DMTF1: variants seen among roughly 807,000 people sequenced by gnomAD.
The protein encoded by DMTF1 is cyclin-D-binding Myb-like transcription factor 1.
A neutral mutation model predicts 91.1 loss-of-function variants in DMTF1; 39 were observed. The observed-to-expected ratio is 0.43, with a 90% CI of 0.33 to 0.56. DMTF1 has a LOEUF of 0.56. Ranked by LOEUF, DMTF1 falls within the 20% of genes least tolerant of loss-of-function variation. The probability of loss-of-function intolerance (pLI) is 0.05; values close to 1 mark genes in which losing one functional copy is unlikely to be tolerated. For synonymous variants in DMTF1, 338 were observed against 309.5 expected (o/e 1.09, Z -0.97); for missense variants, 750 against 914.5 (o/e 0.82, Z 2.32).
chr7:87,185,508 A>G (rs1365657586), intron 11 of DMTF1, among the ~76,000 whole-genome samples: 2 of 152,232 alleles, frequency 1.3e-5, no homozygotes, highest in South Asian at 2.1e-4. Flanking sequence ...AACATTGCAT[A>G]TATACAACTA....
At chr7:87,158,518 C>T (rs937589895) in intron 1 of DMTF1, among the ~76,000 whole-genome samples, 1 of 151,942 alleles carries the variant, frequency 6.6e-6, no homozygotes, top group Non-Finnish European at 1.5e-5. Context: ...ATTCTTGAGT[C>T]ATCAATGAGT....
intron 13 of DMTF1, among the ~76,000 whole-genome samples, chr7:87,190,051 T>C (rs1350513406): frequency 6.6e-6 from 1 of 152,070 alleles, no homozygotes; most frequent in Non-Finnish European, 1.5e-5. Context: ...AAGTTCCAAA[T>C]CATATTTCAC....
At position 87,171,001 on chromosome 7, in the gene DMTF1, A is replaced by G; in HGVS notation, c.239A>G (p.Glu80Gly). ...ACGGTTCCTTTTCTTGAAGTTTCAGAAAATGATCAGAGCTTTGAAGTGACC... is the reference window on the plus strand; with the variant it reads ...ACGGTTCCTTTTCTTGAAGTTTCAGGAAATGATCAGAGCTTTGAAGTGACC... ...CISVVALPLS[E>G]NDQSFEVTMT... The change falls in exon 5 of 18, where the codon GAA becomes GGA. Residue 80 changes from glutamate (E) to glycine (G), a missense_variant. Coordinates refer to ENST00000331242, the MANE Select transcript of DMTF1 (RefSeq NM_001142327.2). 6.2e-7 allele frequency: 1 copy of G among 1,608,542 alleles called. No homozygotes were observed. The highest frequency in any genetic ancestry group is 8.5e-7 in the Non-Finnish European group (1 of 1,176,050).
At chr7:87,155,292 C>G (rs1305068178) in intron 1 of DMTF1, among the ~76,000 whole-genome samples, 1 of 152,064 alleles carries the variant, frequency 6.6e-6, no homozygotes, top group Non-Finnish European at 1.5e-5. Context: ...TTTTTTATAT[C>G]TTATGTAGAG....
chr7:87,184,421 A>G lies in DMTF1; in HGVS notation c.845A>G (p.Lys282Arg). 1 of 1,613,840 alleles carries G rather than the reference A, an allele frequency of 6.2e-7. No homozygotes were observed. The highest frequency in any genetic ancestry group is 8.5e-7 in the Non-Finnish European group (1 of 1,179,860). Residue 282 changes from lysine to arginine, a missense_variant, in exon 11 of 18, where the codon AAG becomes AGG. By Grantham distance (26) the Lys-to-Arg change is conservative. Transcript: ENST00000331242. ...NTGKWTEEEE[K>R]RLAEVVHELT... is the part of the protein sequence containing the mutation. The stretch of plus-strand genomic sequence containing the variant: ...GGGAAGTGGACAGAAGAAGAAGAAA[A>G]GAGACTTGCAGAAGTGGTTCATGAG...
chr7:87,181,236 AT>A (rs1487163290), intron 8 of DMTF1, 72 bp from the exon 9 acceptor site: 6 of 723,414 alleles, frequency 8.3e-6, no homozygotes, highest in Admixed American at 2.4e-5. Context: ...CCTAAATGAA[AT>A]TCTGATTTTT....
At position 87,190,970 on chromosome 7, in the gene DMTF1, T is replaced by C; in HGVS notation, c.1437T>C (p.Val479=). ...HVSSADSPAT[V]DSETITLNSG... ...CTTCAGCAGACTCTCCTGCTACCGT[T>C]GACTCAGAAACAATAACACTAAACA... The change falls in exon 14 of 18, where the codon GTT becomes GTC. Residue 479 remains valine (V), a synonymous_variant. Coordinates refer to ENST00000331242, the MANE Select transcript of DMTF1 (RefSeq NM_001142327.2). 6.2e-7 allele frequency: 1 copy of C among 1,611,008 alleles called. No individual in the cohort carries two copies. The highest frequency in any genetic ancestry group is 8.5e-7 in the Non-Finnish European group (1 of 1,178,246).
chr7:87,181,481 A>G, intron 9 of DMTF1, 140 bp downstream of exon 9: 1 of 468,450 alleles, frequency 2.1e-6, no homozygotes. Context: ...CCTTAAAAAG[A>G]TCACATCAAA....
chr7:87,190,015 AAACTAT>A (rs1219602156), intron 13 of DMTF1, among the ~76,000 whole-genome samples: 1 of 152,102 alleles, frequency 6.6e-6, no homozygotes, highest in Non-Finnish European at 1.5e-5. Flanking sequence ...AGAATTTAAT[AAACTAT>A]AATAAACATT....
At chr7:87,191,064 C>T in intron 14 of DMTF1, 37 bp downstream of exon 14, 1 of 1,330,992 alleles carries the variant, frequency 7.5e-7, no homozygotes, top group Non-Finnish European at 1.1e-6. Context: ...CATTTTTATG[C>T]ATGAGAAAGA....
Position 87,190,939 on chromosome 7 carries a change from C to T in DMTF1, c.1412-6C>T, listed in dbSNP as rs1259250584. Reference sequence around the variant, plus strand: ...CTTACCACAGCTTACCTTATTCTTACCACAGCTTCAGCAGACTCTCCTGCT... The same window carrying T: ...CTTACCACAGCTTACCTTATTCTTATCACAGCTTCAGCAGACTCTCCTGCT... On this transcript the variant is annotated splice_region_variant and splice_polypyrimidine_tract_variant and intron_variant, in intron 13 of 17. Coordinates refer to ENST00000331242, the MANE Select transcript of DMTF1 (RefSeq NM_001142327.2). 6.2e-7 allele frequency: 1 copy of T among 1,606,004 alleles called. No homozygotes were observed. The highest frequency in any genetic ancestry group is 2.2e-5 in the East Asian group (1 of 44,670).
rs1438860663 is a variant in DMTF1, at chr7:87,155,957, T to TA, written c.-132+3403dup. Among the ~76,000 whole-genome samples the TA allele has an allele frequency of 8.6e-5, 13 of 151,714 alleles. 1 individual carries two copies. Among genetic ancestry groups the TA allele is most frequent in the East Asian group, 7.7e-4 (4 of 5,172 alleles). ...GATTCATTCACTTCCCATCAGGTGT[T>TA]ACGTATCAGAAATGCTCATTAGGTT... On this transcript the variant is annotated intron_variant, in intron 1 of 17. Coordinates refer to ENST00000331242, the MANE Select transcript of DMTF1 (RefSeq NM_001142327.2).
intron 14 of DMTF1, 65 bp from the exon 15 acceptor site, chr7:87,193,133 C>G: frequency 1.3e-6 from 2 of 1,555,844 alleles, no homozygotes; most frequent in Non-Finnish European, 1.8e-6. Context: ...AAACTAAACT[C>G]AGTCCGTTTT....
In DMTF1 at chr7:87,188,084, C is replaced by T. The variant is rs1798866930; in HGVS notation, c.1202-8C>T. 6.2e-7 allele frequency: 1 copy of T among 1,610,694 alleles called. No individual in the cohort carries two copies. The highest frequency in any genetic ancestry group is 8.5e-7 in the Non-Finnish European group (1 of 1,177,244). On this transcript the variant is annotated splice_region_variant and splice_polypyrimidine_tract_variant and intron_variant, in intron 12 of 17. Coordinates refer to ENST00000331242, the MANE Select transcript of DMTF1 (RefSeq NM_001142327.2). The stretch of plus-strand genomic sequence containing the variant: ...CAATGTTCTTTTTGTCTACCCATCT[C>T]CCTTCAGTCTTAATAAAAGGTCTTA...
chr7:87,171,121 G>C lies in DMTF1; in HGVS notation c.327+32G>C, dbSNP rs775905048. 2.1e-6 allele frequency: 3 copies of C among 1,434,114 alleles called. No homozygotes were observed. The East Asian group carries it at 6.8e-5, about 33-fold the overall frequency. The allele number at this position is 1,434,114 out of a possible 1,614,324, so 88.8% of individuals were successfully genotyped here. ...TAAATCTTTTAACTGGCCTCAGGAG[G>C]ATGATCCTTTACACATTGCTTAGCT... On this transcript the variant is annotated intron_variant, in intron 5 of 17. Coordinates refer to ENST00000331242, the MANE Select transcript of DMTF1 (RefSeq NM_001142327.2).
At position 87,169,332 on chromosome 7, in the gene DMTF1, G is replaced by A. The variant is rs111869252; in HGVS notation, c.233-1663G>A. Among the ~76,000 whole-genome samples, 587 of 152,200 alleles carry A rather than the reference G, an allele frequency of 3.9e-3. 2 individuals are homozygous for A. The highest frequency in any genetic ancestry group is 0.013 in the African/African-American group (529 of 41,522). On this transcript the variant is annotated intron_variant, in intron 4 of 17. Coordinates refer to ENST00000331242, the MANE Select transcript of DMTF1 (RefSeq NM_001142327.2). ...AAATTAGCTGGGTGTGGTGGTGCACGCCTGTAATCTCAGCTGCTAGGGAGG... is the reference window on the plus strand; with the variant it reads ...AAATTAGCTGGGTGTGGTGGTGCACACCTGTAATCTCAGCTGCTAGGGAGG...
At chr7:87,181,111 A>G (rs757526442) in intron 8 of DMTF1, 198 bp from the exon 9 acceptor site, 36 of 296,698 alleles carry the variant, frequency 1.2e-4, no homozygotes, top group Non-Finnish European at 2.0e-4. Flanking sequence ...TGGCCTCCCA[A>G]AGTGCTGGGA....
chr7:87,154,790 T>A (rs1790245645), intron 1 of DMTF1, among the ~76,000 whole-genome samples: 1 of 152,292 alleles, frequency 6.6e-6, no homozygotes, highest in East Asian at 1.9e-4. Flanking sequence ...ATCCTTTAGT[T>A]ATCTCATTAC....
Position 87,193,330 on chromosome 7 carries a change from C to T in DMTF1, c.1627C>T (p.Gln543Ter). 6.2e-7 allele frequency: 1 copy of T among 1,613,310 alleles called. No individual in the cohort carries two copies. Among genetic ancestry groups the T allele is most frequent in the Non-Finnish European group, 8.5e-7 (1 of 1,179,530 alleles). Residue 543 changes from glutamine to a stop codon, truncating the protein, a stop_gained, in exon 15 of 18, where the codon CAG becomes TAG. Transcript: ENST00000331242. LOFTEE classifies it high-confidence loss of function. ...LTAAAPASPE[Q>*]IIVHALSPEH... Reference sequence around the variant, plus strand: ...AGCTGCTGCTCCTGCTTCTCCTGAACAGATTATTGTTCATGCTTTATCCGT... The same window carrying T: ...AGCTGCTGCTCCTGCTTCTCCTGAATAGATTATTGTTCATGCTTTATCCGT...
Sources: allele counts gnomAD v4.1 joint callset (sites outside exome capture counted in the v4.1 genomes callset), GRCh38; gene constraint gnomAD v4.1.1; transcripts MANE v1.5; gene names NCBI Gene and HGNC (gene_info 2026-07-23, HGNC 2026-07-21).